CLDN20: variants seen among roughly 807,000 people sequenced by gnomAD.
CLDN20 encodes claudin 20, also known as claudin-20.
For missense variants in CLDN20, 258 were observed against 267.9 expected, an observed-to-expected ratio of 0.96 and a Z score of 0.26; for synonymous variants, 104 against 103.6, an observed-to-expected ratio of 1.00 and a Z score of -0.03.
chr6:155,267,310 G>C (rs1784700351), intron 1 of CLDN20, among the ~76,000 whole-genome samples: 1 of 152,210 alleles, frequency 6.6e-6, no homozygotes, highest in Non-Finnish European at 1.5e-5. Flanking sequence ...AGGGTCAGCT[G>C]AGGCAGCCAT....
chr6:155,275,760 C>A lies in CLDN20; in HGVS notation c.41C>A (p.Ala14Asp). Residue 14 changes from alanine to aspartate, a missense_variant, in exon 2 of 2, where the codon GCC becomes GAC. Coordinates refer to ENST00000367165, the MANE Select transcript of CLDN20 (RefSeq NM_001001346.3). ...AGLQLLAFIL[A>D]LSGVSGVLTA... ...CTCCAGCTCCTTGCTTTCATCCTGG[C>A]CTTATCTGGGGTCTCTGGAGTGCTC... 4 of 1,614,082 alleles carry A rather than the reference C, an allele frequency of 2.5e-6. No individual in the cohort carries two copies. The highest frequency in any genetic ancestry group is 3.4e-6 in the Non-Finnish European group (4 of 1,179,986).
intron 1 of CLDN20, among the ~76,000 whole-genome samples, chr6:155,265,442 G>A (rs2114679155): frequency 6.6e-6 from 1 of 152,192 alleles, no homozygotes; most frequent in African/African-American, 2.4e-5. Flanking sequence ...TCACACTGAA[G>A]ATGCTTGGTC....
At position 155,276,272 on chromosome 6, in the gene CLDN20, T is replaced by C. The variant is rs773141580; in HGVS notation, c.553T>C (p.Cys185Arg). ...CTCTGGCATGATTTTCTGCACCTCC[T>C]GTATAAAAAGGAATCCAGAAGCTAG... is the stretch of plus-strand genomic sequence containing the variant. ...FISGMIFCTS[C>R]IKRNPEARLD... The change falls in exon 2 of 2, where the codon TGT (cysteine) becomes CGT (arginine). Residue 185 changes from cysteine (C) to arginine (R), a missense_variant. Physicochemically the swap from Cys to Arg is radical, Grantham distance 180. Transcript: ENST00000367165. 1 of 1,614,124 alleles carries C rather than the reference T, an allele frequency of 6.2e-7. No homozygotes were observed. Among genetic ancestry groups the C allele is most frequent in the South Asian group, 1.1e-5 (1 of 91,080 alleles).
At chr6:155,267,373 T>A (rs1784705200) in intron 1 of CLDN20, among the ~76,000 whole-genome samples, 1 of 152,224 alleles carries the variant, frequency 6.6e-6, no homozygotes, top group Non-Finnish European at 1.5e-5. Context: ...CCAAATTCAA[T>A]GTTTTATTTG....
intron 1 of CLDN20, among the ~76,000 whole-genome samples, chr6:155,272,374 C>T (rs1399011908): frequency 2.0e-5 from 3 of 152,160 alleles, no homozygotes; most frequent in South Asian, 2.1e-4. Context: ...TTTCTGTTGG[C>T]GAGTAGTTCA....
chr6:155,276,081 G>A lies in CLDN20; in HGVS notation c.362G>A (p.Gly121Glu), dbSNP rs199712922. 4.3e-4 allele frequency: 692 copies of A among 1,614,048 alleles called. 1 individual carries two copies. Among genetic ancestry groups the A allele is most frequent in the Non-Finnish European group, 5.5e-4 (645 of 1,180,056 alleles). Reference sequence around the variant, plus strand: ...ACCAAGAGCCATGCTTCCTTTGCTGGAGGAGTCTGTTTCATGTCTGCAGGA... The same window carrying A: ...ACCAAGAGCCATGCTTCCTTTGCTGAAGGAGTCTGTTTCATGTCTGCAGGA... ...RETKSHASFAGGVCFMSAGIS... is the reference protein window; with the variant it reads ...RETKSHASFAEGVCFMSAGIS... The change falls in exon 2 of 2, where the codon GGA (glycine) becomes GAA (glutamate). Residue 121 changes from glycine to glutamate, a missense_variant. By Grantham distance (98) the Gly-to-Glu change is moderately conservative (BLOSUM62 -2). Coordinates refer to ENST00000367165, the MANE Select transcript of CLDN20 (RefSeq NM_001001346.3).
At chr6:155,265,232 T>C (rs1784575823) in intron 1 of CLDN20, among the ~76,000 whole-genome samples, 2 of 152,154 alleles carry the variant, frequency 1.3e-5, no homozygotes, top group South Asian at 4.1e-4. Flanking sequence ...ACTGCCAGGG[T>C]CTGGACCCCA....
intron 1 of CLDN20, among the ~76,000 whole-genome samples, chr6:155,266,508 T>C (rs1002431434): frequency 1.3e-5 from 2 of 152,060 alleles, no homozygotes; most frequent in Admixed American, 6.5e-5. Context: ...CCAGGGGGGA[T>C]GAAAAGCCAG....
intron 1 of CLDN20, among the ~76,000 whole-genome samples, chr6:155,265,403 T>C (rs975096579): frequency 3.3e-5 from 5 of 152,188 alleles, no homozygotes; most frequent in African/African-American, 4.8e-5. Flanking sequence ...TAATTCATAA[T>C]AAACCATAAT....
In CLDN20 at chr6:155,276,164, G is replaced by T; in HGVS notation, c.445G>T (p.Asp149Tyr). The T allele has an allele frequency of 1.2e-6, 2 of 1,614,108 alleles. No homozygotes were observed. The highest frequency in any genetic ancestry group is 1.7e-6 in the Non-Finnish European group (2 of 1,180,006). Residue 149 changes from aspartate (D) to tyrosine (Y), a missense_variant, in exon 2 of 2, where the codon GAT becomes TAT. Transcript: ENST00000367165. ...AAAGGAGATCATAGCAAACTTTCTGGATCTGACAGTTCCAGAAAGCAACAA... is the reference window on the plus strand; with the variant it reads ...AAAGGAGATCATAGCAAACTTTCTGTATCTGACAGTTCCAGAAAGCAACAA... ...YTKEIIANFL[D>Y]LTVPESNKHE...
intron 1 of CLDN20, among the ~76,000 whole-genome samples, chr6:155,267,795 G>A (rs989958751): frequency 1.4e-4 from 22 of 152,162 alleles, no homozygotes; most frequent in African/African-American, 4.3e-4. Context: ...CCTTCACACA[G>A]CCAAGAAAAG....
At chr6:155,274,192 C>T (rs972421735) in intron 1 of CLDN20, among the ~76,000 whole-genome samples, 3 of 152,156 alleles carry the variant, frequency 2.0e-5, no homozygotes, top group Admixed American at 1.3e-4. Context: ...ATATGAATCA[C>T]GACAGAGCCA....
At chr6:155,272,730 G>T (rs1784993233) in intron 1 of CLDN20, among the ~76,000 whole-genome samples, 1 of 151,992 alleles carries the variant, frequency 6.6e-6, no homozygotes, top group South Asian at 2.1e-4. Context: ...AGAAAAAAAA[G>T]CATTTGAATC....
intron 1 of CLDN20, among the ~76,000 whole-genome samples, chr6:155,269,318 TCTTTTC>T (rs1784814858): frequency 1.9e-5 from 2 of 103,904 alleles, no homozygotes; most frequent in South Asian, 3.5e-4. Flanking sequence ...TCTTTTCTTT[TCTTTTC>T]TTTTTTTTTT....
intron 1 of CLDN20, among the ~76,000 whole-genome samples, chr6:155,271,412 T>C (rs138894390): frequency 6.7e-4 from 102 of 152,316 alleles, no homozygotes; most frequent in African/African-American, 2.4e-3. Context: ...TGAATCTCTA[T>C]AGTTATACTC....
At chr6:155,270,919 A>T (rs1162782622) in intron 1 of CLDN20, among the ~76,000 whole-genome samples, 2 of 152,198 alleles carry the variant, frequency 1.3e-5, no homozygotes, top group African/African-American at 4.8e-5. Flanking sequence ...CATGAAATAA[A>T]ATCAAAGAAC....
At chr6:155,265,749 TATA>T (rs1172167299) in intron 1 of CLDN20, among the ~76,000 whole-genome samples, 2 of 146,076 alleles carry the variant, frequency 1.4e-5, no homozygotes, top group African/African-American at 2.5e-5. Flanking sequence ...ATATATAATA[TATA>T]ATATATATTT....
In CLDN20 at chr6:155,275,672, T is replaced by C. The variant is rs955673645; in HGVS notation, c.-48T>C. 20 of 1,519,234 alleles carry C rather than the reference T, an allele frequency of 1.3e-5. No individual in the cohort carries two copies. The highest frequency in any genetic ancestry group is 1.6e-5 in the Non-Finnish European group (18 of 1,112,948). 94.1% of individuals were successfully genotyped at this position (1,519,234 alleles called of 1,614,324 possible). A position where few individuals can be genotyped will look rare whatever the true frequency, so the allele number is the denominator to read the frequency against. On this transcript the variant is annotated 5_prime_UTR_variant, in exon 2 of 2. Coordinates refer to ENST00000367165, the MANE Select transcript of CLDN20 (RefSeq NM_001001346.3). ...ATAGATAGAATTCTGACAGCCATCA[T>C]TGTTAAACATCAGGATTTTCTAAGA...
intron 1 of CLDN20, among the ~76,000 whole-genome samples, chr6:155,270,771 A>G (rs572310722): frequency 1.3e-5 from 2 of 152,350 alleles, no homozygotes; most frequent in East Asian, 3.9e-4. Context: ...GCGACCAGCG[A>G]AACAAGCCAG....
Sources: allele counts gnomAD v4.1 joint callset (sites outside exome capture counted in the v4.1 genomes callset), GRCh38; gene constraint gnomAD v4.1.1; transcripts MANE v1.5; gene names NCBI Gene and HGNC (gene_info 2026-07-23, HGNC 2026-07-21).